Variants in MSI2 observed in about 807,000 individuals in gnomAD.
MSI2 encodes musashi RNA binding protein 2.
In MSI2, 17 loss-of-function variants were observed where a neutral mutation model predicts 45.6. That is an observed-to-expected ratio of 0.37 (90% CI 0.26 to 0.56). The LOEUF (loss-of-function observed/expected upper bound fraction) is 0.56, where lower values mean the gene tolerates loss of function less well. Among genes scored for constraint, MSI2 ranks in the 20% least tolerant of loss-of-function variants. The pLI is 0.77. For missense variants in MSI2, 293 were observed against 444.2 expected (o/e 0.66, Z 3.06); for synonymous variants, 156 against 158.2 (o/e 0.99, Z 0.11).
intron 10 of MSI2, among the ~76,000 whole-genome samples, chr17:57,640,587 G>C (rs927186065): frequency 5.3e-5 from 8 of 152,212 alleles, no homozygotes; most frequent in African/African-American, 1.9e-4. Flanking sequence ...AGCCCTAGGA[G>C]GAGGTGTCAT....
chr17:57,403,905 C>T (rs1362221363), intron 6 of MSI2, among the ~76,000 whole-genome samples: 1 of 150,818 alleles, frequency 6.6e-6, no homozygotes, highest in East Asian at 2.0e-4. Context: ...GTACTTTATA[C>T]TCTGGTTGAA....
At chr17:57,371,730 T>A (rs1157252339) in intron 5 of MSI2, among the ~76,000 whole-genome samples, 3 of 152,030 alleles carry the variant, frequency 2.0e-5, no homozygotes, top group African/African-American at 7.2e-5. Context: ...GATTTATTAT[T>A]ATTATTATAA....
intron 6 of MSI2, among the ~76,000 whole-genome samples, chr17:57,466,456 C>A (rs1020753598): frequency 6.6e-6 from 1 of 152,194 alleles, no homozygotes; most frequent in Non-Finnish European, 1.5e-5. Flanking sequence ...CAAACAGACA[C>A]GGGCTTTTAA....
intron 6 of MSI2, among the ~76,000 whole-genome samples, chr17:57,468,130 C>T (rs1475651611): frequency 6.6e-6 from 1 of 151,884 alleles, no homozygotes; most frequent in Non-Finnish European, 1.5e-5. Flanking sequence ...TGTTACGTAA[C>T]CTCTTAGAGC....
At chr17:57,633,891 C>A (rs1909625377) in intron 10 of MSI2, among the ~76,000 whole-genome samples, 1 of 152,188 alleles carries the variant, frequency 6.6e-6, no homozygotes, top group African/African-American at 2.4e-5. Flanking sequence ...CCATTTTTAT[C>A]CCCCATGAGG....
chr17:57,700,626 G>T, the MSI2 span, among the ~76,000 whole-genome samples: 1 of 152,186 alleles, frequency 6.6e-6, no homozygotes, highest in Non-Finnish European at 1.5e-5. Flanking sequence ...GCCTGGGCCG[G>T]GCGCGGTTGC....
intron 5 of MSI2, among the ~76,000 whole-genome samples, chr17:57,335,733 G>A (rs1407065662): frequency 1.3e-5 from 2 of 152,190 alleles, no homozygotes; most frequent in Admixed American, 6.5e-5. Context: ...GGGGTGAAAC[G>A]GGGAGTGTTA....
intron 5 of MSI2, among the ~76,000 whole-genome samples, chr17:57,349,700 A>C (rs792392): frequency 0.43 from 64,790 of 152,170 alleles, 16,134 homozygotes; most frequent in African/African-American, 0.7. Flanking sequence ...GACAGGAGTC[A>C]AGTTGGTGCA....
intron 5 of MSI2, among the ~76,000 whole-genome samples, chr17:57,327,699 T>C (rs1355638681): frequency 6.6e-6 from 1 of 152,200 alleles, no homozygotes; most frequent in Non-Finnish European, 1.5e-5. Context: ...GCTTTCACAA[T>C]CTTGTCGCAA....
chr17:57,296,387 G>T (rs935345361), intron 5 of MSI2, among the ~76,000 whole-genome samples: 7 of 152,198 alleles, frequency 4.6e-5, no homozygotes, highest in African/African-American at 1.7e-4. Context: ...GTTAGTTGCT[G>T]TGGAGAGAGG....
At chr17:57,631,570 T>C in intron 10 of MSI2, 1 of 535,922 alleles carries the variant, frequency 1.9e-6, no homozygotes, top group Non-Finnish European at 3.3e-6. Flanking sequence ...GAGTGGGGAG[T>C]AGTTCTTTTC....
intron 6 of MSI2, among the ~76,000 whole-genome samples, chr17:57,447,793 C>T (rs1466458713): frequency 3.3e-5 from 5 of 152,112 alleles, no homozygotes; most frequent in Admixed American, 6.5e-5. Context: ...CGCTGTCTTC[C>T]TCTTATCTTT....
chr17:57,692,837 C>G, the MSI2 span, among the ~76,000 whole-genome samples: 5 of 149,584 alleles, frequency 3.3e-5, no homozygotes, highest in South Asian at 2.1e-4. Context: ...ACCTCTCTCT[C>G]TCTTTATCCT....
chr17:57,414,723 G>A (rs370191303), intron 6 of MSI2, among the ~76,000 whole-genome samples: 2 of 152,214 alleles, frequency 1.3e-5, no homozygotes, highest in Admixed American at 6.5e-5. Flanking sequence ...TTAAAATGGG[G>A]CATTAAGAGA....
At chr17:57,546,109 C>T (rs555473227) in intron 7 of MSI2, among the ~76,000 whole-genome samples, 24 of 152,292 alleles carry the variant, frequency 1.6e-4, no homozygotes, top group Admixed American at 5.2e-4. Flanking sequence ...TTATCACGCA[C>T]CTCATGAAAA....
intron 5 of MSI2, among the ~76,000 whole-genome samples, chr17:57,274,977 C>G (rs1171636013): frequency 6.6e-6 from 1 of 152,178 alleles, no homozygotes; most frequent in Non-Finnish European, 1.5e-5. Flanking sequence ...AATGTGAATT[C>G]TTTTCTCCAT....
chr17:57,477,516 G>T (rs114643021), intron 6 of MSI2, among the ~76,000 whole-genome samples: 1 of 152,056 alleles, frequency 6.6e-6, no homozygotes, highest in Non-Finnish European at 1.5e-5. Flanking sequence ...CCCACCTCCC[G>T]CAAGCAAAGT....
At chr17:57,505,074 G>A (rs1181961672) in intron 6 of MSI2, among the ~76,000 whole-genome samples, 1 of 152,148 alleles carries the variant, frequency 6.6e-6, no homozygotes, top group Non-Finnish European at 1.5e-5. Flanking sequence ...GGAGGTTGGG[G>A]TCACTAGTTG....
chr17:57,455,126 A>G (rs2143577404), intron 6 of MSI2, among the ~76,000 whole-genome samples: 1 of 152,234 alleles, frequency 6.6e-6, no homozygotes, highest in Middle Eastern at 3.4e-3. Flanking sequence ...TTCCCTCCTC[A>G]TGCCTCTTCA....
Sources: gnomAD v4.1 joint callset for allele counts (sites outside exome capture counted in the v4.1 genomes callset) on GRCh38, gnomAD v4.1.1 for gene constraint, MANE v1.5 for transcripts, NCBI Gene and HGNC (gene_info 2026-07-23, HGNC 2026-07-21) for gene names.